Variants in SPSB1 observed in about 807,000 individuals in gnomAD.
SPSB1 encodes the protein SPRY domain-containing SOCS box protein 1.
In SPSB1, 8 loss-of-function variants were observed where a neutral mutation model predicts 21.2. The ratio of observed to expected loss-of-function variants is 0.38; its 90% CI spans 0.22 to 0.68. The LOEUF (loss-of-function observed/expected upper bound fraction) is 0.68, where lower values mean the gene tolerates loss of function less well. Ranked by LOEUF, SPSB1 falls within the 30% of genes least tolerant of loss-of-function variation. The probability of loss-of-function intolerance (pLI) is 0.53; values close to 1 mark genes in which losing one functional copy is unlikely to be tolerated. For missense variants in SPSB1, 242 were observed against 377.8 expected, an observed-to-expected ratio of 0.64 and a Z score of 2.98; for synonymous variants, 169 against 161.7, an observed-to-expected ratio of 1.05 and a Z score of -0.34.
intron 1 of SPSB1, among the ~76,000 whole-genome samples, chr1:9,351,984 C>A (rs1231910412): frequency 2.0e-5 from 3 of 152,202 alleles, no homozygotes; most frequent in Non-Finnish European, 4.4e-5. Flanking sequence ...GGGAAAACGC[C>A]CCACCCTCTT....
intron 2 of SPSB1, among the ~76,000 whole-genome samples, chr1:9,362,371 A>G (rs1640496661): frequency 6.6e-6 from 1 of 152,236 alleles, no homozygotes; most frequent in Non-Finnish European, 1.5e-5. Flanking sequence ...ACAAGGACAA[A>G]GGCTCCACGT....
chr1:9,364,150 G>A (rs934401544), intron 2 of SPSB1, among the ~76,000 whole-genome samples: 2 of 152,202 alleles, frequency 1.3e-5, no homozygotes, highest in Non-Finnish European at 2.9e-5. Flanking sequence ...TTCCAGCCAC[G>A]AGGGAGAGCC....
In SPSB1 at chr1:9,355,823, T is replaced by C; in HGVS notation, c.-69T>C. 6.6e-7 allele frequency: 1 copy of C among 1,514,014 alleles called. No homozygotes were observed. The highest frequency in any genetic ancestry group is 2.2e-5 in the Admixed American group (1 of 44,742). The allele number at this position is 1,514,014 out of a possible 1,614,324, so 93.8% of individuals were successfully genotyped here. A position where few individuals can be genotyped will look rare whatever the true frequency, so the allele number is the denominator to read the frequency against. The stretch of plus-strand genomic sequence containing the variant: ...TTCTGTCTGGCCCCGATCAGAATAC[T>C]GGAGACGAGACCACGAGATTGATGA... On this transcript the variant is annotated 5_prime_UTR_variant, in exon 2 of 3. Coordinates refer to ENST00000328089, the MANE Select transcript of SPSB1 (RefSeq NM_025106.4).
intron 1 of SPSB1, among the ~76,000 whole-genome samples, chr1:9,333,920 A>G (rs1639964773): frequency 3.3e-5 from 5 of 152,066 alleles, no homozygotes; most frequent in Non-Finnish European, 5.9e-5. Flanking sequence ...CTGGCCAGGG[A>G]TGCTCCGCCA....
At chr1:9,358,625 G>A (rs1640416287) in intron 2 of SPSB1, among the ~76,000 whole-genome samples, 1 of 152,192 alleles carries the variant, frequency 6.6e-6, no homozygotes. Flanking sequence ...CCATGGGGTG[G>A]TCACGGAGCC....
At chr1:9,338,972 A>G (rs1027229760) in intron 1 of SPSB1, among the ~76,000 whole-genome samples, 1 of 152,196 alleles carries the variant, frequency 6.6e-6, no homozygotes, top group Non-Finnish European at 1.5e-5. Context: ...TGTTCCCAGC[A>G]GTGAGGATCG....
At position 9,317,875 on chromosome 1, in the gene SPSB1, G is replaced by A. The variant is rs1016411905; in HGVS notation, c.-150+24804G>A. On this transcript the variant is annotated intron_variant, in intron 1 of 2. Coordinates refer to ENST00000328089, the MANE Select transcript of SPSB1 (RefSeq NM_025106.4). This position sits in a 1 kb window ranked among gnomAD's most constrained non-coding sequence, Gnocchi z 4.3. The stretch of plus-strand genomic sequence containing the variant: ...TTTTTTTGAGACCCTGCAGATTGGC[G>A]GGTCGCTTTGGTGGGAGTTTCTTGC... Among the ~76,000 whole-genome samples, 1 of 150,318 alleles carries A rather than the reference G, an allele frequency of 6.7e-6. No individual in the cohort carries two copies. The highest frequency in any genetic ancestry group is 1.5e-5 in the Non-Finnish European group (1 of 67,724).
At position 9,353,155 on chromosome 1, in the gene SPSB1, G is replaced by A. The variant is rs145977101; in HGVS notation, c.-149-2588G>A. On this transcript the variant is annotated intron_variant, in intron 1 of 2. Transcript: ENST00000328089. ...TGGGAGGGTGGTACTCTGCACCCCCGCTCCATGCAGCTCTGACCTCGAGAG... is the reference window on the plus strand; with the variant it reads ...TGGGAGGGTGGTACTCTGCACCCCCACTCCATGCAGCTCTGACCTCGAGAG... 9.3e-4 allele frequency among the ~76,000 whole-genome samples: 141 copies of A among 152,088 alleles called. No individual in the cohort carries two copies. The Middle Eastern group carries it at 0.01, about 11-fold the overall frequency.
Position 9,293,001 on chromosome 1 carries a change from G to GCGGGCGCGGCC in SPSB1, c.-212_-202dup. On this transcript the variant is annotated 5_prime_UTR_variant, in exon 1 of 3. Coordinates refer to ENST00000328089, the MANE Select transcript of SPSB1 (RefSeq NM_025106.4). This position sits in a 1 kb window ranked among gnomAD's most constrained non-coding sequence, Gnocchi z 5.1. ...GGAGGAGGCGACTTCGCTCCCTGCG[G>GCGGGCGCGGCC]CGGGCGCGGCCCGGGCGCCCGAGCC... 3.1e-6 allele frequency: 3 copies of GCGGGCGCGGCC among 982,752 alleles called. No individual in the cohort carries two copies. Among genetic ancestry groups the GCGGGCGCGGCC allele is most frequent in the African/African-American group, 1.8e-5 (1 of 56,998 alleles). The allele number at this position is 982,752 out of a possible 1,614,324, so 60.9% of individuals were successfully genotyped here.
At chr1:9,309,786 G>C (rs570845226) in intron 1 of SPSB1, among the ~76,000 whole-genome samples, 1 of 152,294 alleles carries the variant, frequency 6.6e-6, no homozygotes, top group South Asian at 2.1e-4. Flanking sequence ...AGTTTGCAGT[G>C]AGCCAAGACT....
chr1:9,343,946 T>C (rs1172965164), intron 1 of SPSB1, among the ~76,000 whole-genome samples: 2 of 152,054 alleles, frequency 1.3e-5, no homozygotes, highest in South Asian at 2.1e-4. Flanking sequence ...CCACCACGCC[T>C]GGCTAATTTT....
rs1639724309 is a variant in SPSB1 at position 9,321,673 on chromosome 1, T to C, written c.-150+28602T>C. 2.6e-5 allele frequency among the ~76,000 whole-genome samples: 4 copies of C among 151,084 alleles called. No homozygotes were observed. In the South Asian group the frequency reaches 8.3e-4, roughly 31 times the overall value. ...CACCTTTAAATAAAAAAAAAAATGC[T>C]GCTGATTGTCACTGTAATGTGCCCT... On this transcript the variant is annotated intron_variant, in intron 1 of 2. Coordinates refer to ENST00000328089, the MANE Select transcript of SPSB1 (RefSeq NM_025106.4). The surrounding 1 kb of genome is among the most constrained non-coding windows in gnomAD (Gnocchi z 4.8).
Position 9,356,765 on chromosome 1 carries a change from A to G in SPSB1, c.694+180A>G, listed in dbSNP as rs1640370833. Among the ~76,000 whole-genome samples, 1 of 152,258 alleles carries G rather than the reference A, an allele frequency of 6.6e-6. No individual in the cohort carries two copies. The highest frequency in any genetic ancestry group is 1.9e-4 in the East Asian group (1 of 5,202). On this transcript the variant is annotated intron_variant, in intron 2 of 2. Transcript: ENST00000328089. The surrounding 1 kb of genome is among the most constrained non-coding windows in gnomAD (Gnocchi z 7.4). Reference sequence around the variant, plus strand: ...TAAGTGAGGAATTCTACCCAGAGTCAGCTAGATTACCTAACGGTGCCTCAT... The same window carrying G: ...TAAGTGAGGAATTCTACCCAGAGTCGGCTAGATTACCTAACGGTGCCTCAT...
chr1:9,330,359 G>A (rs1639893862), intron 1 of SPSB1, among the ~76,000 whole-genome samples: 1 of 152,116 alleles, frequency 6.6e-6, no homozygotes, highest in African/African-American at 2.4e-5. Context: ...CTACTACTCA[G>A]GAGGCTGAGG....
chr1:9,359,850 G>GT (rs555231785), intron 2 of SPSB1, among the ~76,000 whole-genome samples: 3 of 151,192 alleles, frequency 2.0e-5, no homozygotes, highest in East Asian at 2.0e-4. Flanking sequence ...TGGAAGCCGG[G>GT]GGGGTGGGTG....
At chr1:9,327,641 G>A (rs566247143) in intron 1 of SPSB1, among the ~76,000 whole-genome samples, 47 of 152,212 alleles carry the variant, frequency 3.1e-4, no homozygotes, top group Middle Eastern at 3.4e-3. Context: ...CAGAGTCTTG[G>A]GGGAGTGTGG....
rs939656620 is a variant in SPSB1, at chr1:9,348,390, C to T, written c.-149-7353C>T. Among the ~76,000 whole-genome samples, 10 of 152,084 alleles carry T rather than the reference C, an allele frequency of 6.6e-5. No homozygotes were observed. Among genetic ancestry groups the T allele is most frequent in the Non-Finnish European group, 1.5e-4 (10 of 68,018 alleles). On this transcript the variant is annotated intron_variant, in intron 1 of 2. Transcript: ENST00000328089. This position sits in a 1 kb window ranked among gnomAD's most constrained non-coding sequence, Gnocchi z 4.8. ...GCGCTCTCTGACCACAGGGACCTGC[C>T]TTGCCTCTCCTGCCCCTCCAGGCTC...
chr1:9,328,212 G>A (rs12749844), intron 1 of SPSB1, among the ~76,000 whole-genome samples: 74,698 of 152,046 alleles, frequency 0.49, 19,310 homozygotes, highest in Middle Eastern at 0.6. Flanking sequence ...GGAGGAGGCA[G>A]GGCCTGGCCC....
At chr1:9,325,647 A>G (rs1639805877) in intron 1 of SPSB1, among the ~76,000 whole-genome samples, 1 of 152,076 alleles carries the variant, frequency 6.6e-6, no homozygotes, top group Non-Finnish European at 1.5e-5. Flanking sequence ...TGTGAACAAG[A>G]CTGAGTTCCA....
Sources: allele counts gnomAD v4.1 joint callset (sites outside exome capture counted in the v4.1 genomes callset), GRCh38; gene constraint gnomAD v4.1.1; non-coding constraint Gnocchi (gnomAD v3.1); transcripts MANE v1.5; gene names NCBI Gene and HGNC (gene_info 2026-07-23, HGNC 2026-07-21).